Variants in ZSCAN30 observed in about 807,000 individuals in gnomAD.
ZSCAN30 encodes zinc finger and SCAN domain-containing protein 30.
A neutral mutation model predicts 44.3 loss-of-function variants in ZSCAN30; 37 were observed. The ratio of observed to expected loss-of-function variants is 0.84; its 90% CI spans 0.64 to 1.10. The LOEUF is 1.10. Among genes scored for constraint, ZSCAN30 ranks in the 50% least tolerant of loss-of-function variants. The pLI is 0.00. For synonymous variants in ZSCAN30, 181 were observed against 204.6 expected (o/e 0.88, Z 0.98); for missense variants, 549 against 582.6 (o/e 0.94, Z 0.59).
chr18:35,289,037 G>T (rs137904599), intron 1 of ZSCAN30, among the ~76,000 whole-genome samples: 213 of 152,106 alleles, frequency 1.4e-3, no homozygotes, highest in African/African-American at 5.0e-3. Flanking sequence ...GCGCAATCTC[G>T]GCTCACTGCA....
chr18:35,258,015 C>T, intron 3 of ZSCAN30: 1 of 780,678 alleles, frequency 1.3e-6, no homozygotes. Flanking sequence ...TATCATGAGG[C>T]TAGTGAAGCA....
chr18:35,259,871 T>C (rs1020024892), intron 3 of ZSCAN30, among the ~76,000 whole-genome samples: 1 of 152,050 alleles, frequency 6.6e-6, no homozygotes, highest in African/African-American at 2.4e-5. Flanking sequence ...TTTTTAAAAG[T>C]TTAATTTAAG....
At chr18:35,265,363 A>C (rs887585665) in intron 1 of ZSCAN30, among the ~76,000 whole-genome samples, 5 of 152,212 alleles carry the variant, frequency 3.3e-5, no homozygotes, top group Admixed American at 6.5e-5. Context: ...CTTGACAATA[A>C]CACCATCAGG....
intron 1 of ZSCAN30, chr18:35,267,035 T>G (rs2044168169): frequency 6.6e-6 from 1 of 152,644 alleles, no homozygotes; most frequent in Non-Finnish European, 1.5e-5. Flanking sequence ...TCCCAGCATT[T>G]TGGGAGGCCA....
At chr18:35,261,985 CAGA>C (rs1255534507) in intron 3 of ZSCAN30, 1 of 152,150 alleles carries the variant, frequency 6.6e-6, no homozygotes, top group Non-Finnish European at 1.5e-5. Context: ...AGCAGTTTCC[CAGA>C]AGAATTCAGT....
rs1339570527 is a variant in ZSCAN30 at position 35,264,230 on chromosome 18, G to C, written c.123C>G (p.Pro41=). 1 of 1,614,094 alleles carries C rather than the reference G, an allele frequency of 6.2e-7. No homozygotes were observed. Among genetic ancestry groups the C allele is most frequent in the Non-Finnish European group, 8.5e-7 (1 of 1,180,056 alleles). ...LDQDFGLQEN[P]WSQEVFRQKF... is the part of the protein sequence containing the mutation. ...TCTGCCGGAATACCTCTTGGCTCCA[G>C]GGGTTTTCCTGAAGGCCAAAGTCCT... Residue 41 remains proline (P), a synonymous_variant, in exon 2 of 4, where the codon CCC becomes CCG. Transcript: ENST00000333206.
At chr18:35,258,869 CAAAAAAAAAAAAAAAAAAAA>C (rs71166053) in intron 3 of ZSCAN30, 1 of 30,638 alleles carries the variant, frequency 3.3e-5, no homozygotes, top group Non-Finnish European at 6.0e-5. Flanking sequence ...GACTCCATCT[CAAAAAAAAAAAAAAAAAAAA>C]AAAAAAAAAA....
chr18:35,288,426 G>T (rs556424804), intron 1 of ZSCAN30, among the ~76,000 whole-genome samples: 2 of 152,130 alleles, frequency 1.3e-5, no homozygotes, highest in Non-Finnish European at 2.9e-5. Context: ...AAGTAGTGTG[G>T]GTTTTTTTAA....
intron 1 of ZSCAN30, among the ~76,000 whole-genome samples, chr18:35,272,483 G>A (rs574977742): frequency 9.9e-5 from 15 of 151,406 alleles, no homozygotes; most frequent in African/African-American, 3.6e-4. Context: ...TGGGATTACA[G>A]GTGTGTGTTA....
chr18:35,270,936 G>A (rs1569077244), intron 1 of ZSCAN30, among the ~76,000 whole-genome samples: 1 of 152,218 alleles, frequency 6.6e-6, no homozygotes, highest in Admixed American at 6.5e-5. Context: ...GAACTTTGCA[G>A]TGAGTGTTAA....
At chr18:35,279,524 A>G (rs981518438) in intron 1 of ZSCAN30, among the ~76,000 whole-genome samples, 16 of 152,350 alleles carry the variant, frequency 1.1e-4, no homozygotes, top group African/African-American at 3.6e-4. Flanking sequence ...TCAGGCTGCT[A>G]TAACAAAAAA....
At chr18:35,259,747 T>G (rs998684346) in intron 3 of ZSCAN30, 1 of 154,168 alleles carries the variant, frequency 6.5e-6, no homozygotes, top group African/African-American at 2.4e-5. Flanking sequence ...CAAGAAACAC[T>G]TACCACAGTC....
intron 1 of ZSCAN30, among the ~76,000 whole-genome samples, chr18:35,271,665 C>T (rs1343777803): frequency 6.6e-6 from 1 of 152,256 alleles, no homozygotes; most frequent in Non-Finnish European, 1.5e-5. Context: ...CTCCTCAGCC[C>T]TTGGGCAGTC....
At position 35,253,603 on chromosome 18, in the gene ZSCAN30, A is replaced by C; in HGVS notation, c.1332T>G (p.Asn444Lys). The C allele has an allele frequency of 6.2e-7, 1 of 1,614,020 alleles. No individual in the cohort carries two copies. ...IHTGEKPYEC[N>K]ECGKSFNQSS... ...TCTGATTGAAGGATTTTCCACATTC[A>C]TTACATTCATAAGGTTTCTCTCCAG... The change falls in exon 4 of 4, where the codon AAT becomes AAG. Residue 444 changes from asparagine to lysine, a missense_variant. Transcript: ENST00000333206.
chr18:35,271,074 A>G (rs558136437), intron 1 of ZSCAN30, among the ~76,000 whole-genome samples: 1 of 152,298 alleles, frequency 6.6e-6, no homozygotes, highest in Non-Finnish European at 1.5e-5. Context: ...TGAGTGTTAC[A>G]GCTCATAAAG....
intron 1 of ZSCAN30, among the ~76,000 whole-genome samples, chr18:35,287,574 CAAA>C (rs59300208): frequency 5.8e-4 from 55 of 94,668 alleles, no homozygotes; most frequent in African/African-American, 2.1e-3. Context: ...ATCCACATAC[CAAA>C]AAAAAAAAAA....
chr18:35,263,373 G>A (rs2143699887), intron 3 of ZSCAN30, 140 bp downstream of exon 3: 2 of 1,049,520 alleles, frequency 1.9e-6, no homozygotes, highest in South Asian at 3.4e-5. Flanking sequence ...CAGAGCCTAA[G>A]GAAGAATATT....
intron 1 of ZSCAN30, chr18:35,282,257 A>T (rs2044468192): frequency 6.6e-6 from 1 of 152,250 alleles, no homozygotes; most frequent in African/African-American, 2.4e-5. Context: ...TGGGAGCAGA[A>T]TGAATGCCAT....
rs1003377339 is a variant in ZSCAN30 at position 35,251,237 on chromosome 18, C to T, written c.*2213G>A. The T allele has an allele frequency of 6.6e-6, 1 of 152,118 alleles. No individual in the cohort carries two copies. Among genetic ancestry groups the T allele is most frequent in the Non-Finnish European group, 1.5e-5 (1 of 68,006 alleles). The allele number at this position is 152,118 out of a possible 1,614,324, so 9.4% of individuals were successfully genotyped here. ...AGAAAGTACTCCAAAATGTTAACAA[C>T]GTTTCTATGGGCATTGGGATTGGGG... On this transcript the variant is annotated 3_prime_UTR_variant, in exon 4 of 4. Transcript: ENST00000333206.
Sources: gnomAD v4.1 joint callset for allele counts (sites outside exome capture counted in the v4.1 genomes callset) on GRCh38, gnomAD v4.1.1 for gene constraint, MANE v1.5 for transcripts, NCBI Gene and HGNC (gene_info 2026-07-23, HGNC 2026-07-21) for gene names.